The following KANK1 variants were observed in gnomAD, a reference collection of about 807,000 sequenced individuals.
KANK1 encodes the protein KN motif and ankyrin repeat domains 1, also known as KN motif and ankyrin repeat domain-containing protein 1.
Under a neutral mutation model 106.2 loss-of-function variants are expected in KANK1, and 109 were observed. The observed-to-expected ratio is 1.03, with a 90% CI of 0.88 to 1.20. The LOEUF (loss-of-function observed/expected upper bound fraction) is 1.20. Ranked by LOEUF, KANK1 falls within the 50% of genes most tolerant of loss-of-function variation. The probability of loss-of-function intolerance (pLI) is 0.00; values close to 1 mark genes in which losing one functional copy is unlikely to be tolerated. For synonymous variants in KANK1, 873 were observed against 652.2 expected, an observed-to-expected ratio of 1.34 and a Z score of -5.16; for missense variants, 2,399 against 1,710.7, an observed-to-expected ratio of 1.40 and a Z score of -7.10.
At chr9:699,311 G>T (rs765408605) in intron 2 of KANK1, among the ~76,000 whole-genome samples, 3 of 152,178 alleles carry the variant, frequency 2.0e-5, no homozygotes, top group Non-Finnish European at 2.9e-5. Context: ...GTTTTGCTTA[G>T]CACCTAGCCG....
Position 548,921 on chromosome 9 carries a change from AAAAAT to A in KANK1, c.-84+44175_-84+44179del, listed in dbSNP as rs201843281. 7.3e-3 allele frequency among the ~76,000 whole-genome samples: 1,112 copies of A among 152,278 alleles called. 52 individuals carry two copies. Among genetic ancestry groups the A allele is most frequent in the Admixed American group, 0.066 (1,012 of 15,284 alleles). On this transcript the variant is annotated intron_variant, in intron 1 of 11. Transcript: ENST00000382297. ...TAGTAACACCCTATCTTTATTTTTAAAAAATAAAATAAGAGAGGGGGACAATAAAT... is the reference window on the plus strand; with the variant it reads ...TAGTAACACCCTATCTTTATTTTTAAAAAATAAGAGAGGGGGACAATAAAT...
intron 3 of KANK1, among the ~76,000 whole-genome samples, chr9:496,851 G>A (rs1228553415): frequency 6.6e-6 from 1 of 152,134 alleles, no homozygotes; most frequent in East Asian, 1.9e-4. Flanking sequence ...TGCAGGGACA[G>A]GTTTGTACAC....
At chr9:640,841 T>G (rs1374398939) in intron 1 of KANK1, among the ~76,000 whole-genome samples, 2 of 151,838 alleles carry the variant, frequency 1.3e-5, no homozygotes, top group Non-Finnish European at 2.9e-5. Flanking sequence ...GACCTACATG[T>G]GCCCGCCACC....
chr9:660,349 G>C (rs1459835157), intron 1 of KANK1: 2 of 200,658 alleles, frequency 1.0e-5, no homozygotes. Context: ...GCTGAAGCTT[G>C]AATGAGGTTT....
chr9:700,438 A>G (rs1387450093), intron 2 of KANK1, among the ~76,000 whole-genome samples: 1 of 152,162 alleles, frequency 6.6e-6, no homozygotes, highest in Non-Finnish European at 1.5e-5. Context: ...TCTTCTTAGA[A>G]CACTTTCCAC....
chr9:740,908 G>A lies in KANK1; in HGVS notation c.3670G>A (p.Gly1224Arg). Residue 1224 changes from glycine (G) to arginine (R), a missense_variant, in exon 9 of 12, where the codon GGG becomes AGG. Physicochemically the swap from Gly to Arg is moderately radical, Grantham distance 125 (BLOSUM62 -2). Transcript: ENST00000382297. ...MRIVEELFGCGDVNAKASQAG... is the reference protein window; with the variant it reads ...MRIVEELFGCRDVNAKASQAG... Reference sequence around the variant, plus strand: ...GATTGTGGAAGAACTCTTCGGCTGTGGGGATGTGAATGCCAAAGCTAGTCA... The same window carrying A: ...GATTGTGGAAGAACTCTTCGGCTGTAGGGATGTGAATGCCAAAGCTAGTCA... 6.2e-7 allele frequency: 1 copy of A among 1,614,212 alleles called. No homozygotes were observed. The highest frequency in any genetic ancestry group is 2.2e-5 in the East Asian group (1 of 44,882).
rs1832024490 is a variant in KANK1 at position 617,099 on chromosome 9, G to A, written c.-83-59791G>A. ...AATATACTACCGTAAGTGAATGTTAGGTCAGTTAGGTCGATTTTTTTTTCA... is the reference window on the plus strand; with the variant it reads ...AATATACTACCGTAAGTGAATGTTAAGTCAGTTAGGTCGATTTTTTTTTCA... On this transcript the variant is annotated intron_variant, in intron 1 of 11. Transcript: ENST00000382297. Among the ~76,000 whole-genome samples the A allele has an allele frequency of 3.3e-5, 5 of 151,950 alleles. No homozygotes were observed. In the South Asian group the frequency reaches 1.0e-3, roughly 32 times the overall value.
At chr9:730,417 C>A in intron 4 of KANK1, 169 bp downstream of exon 4, 1 of 720,290 alleles carries the variant, frequency 1.4e-6, no homozygotes, top group Non-Finnish European at 2.3e-6. Flanking sequence ...AGAGGCCGGG[C>A]ATGGTGGCTC....
intron 1 of KANK1, among the ~76,000 whole-genome samples, chr9:545,731 T>C (rs1218405744): frequency 2.4e-5 from 2 of 81,812 alleles, no homozygotes; most frequent in African/African-American, 1.2e-4. Flanking sequence ...AGCCTTTTTT[T>C]TTTTTTTTTT....
At chr9:543,343 G>A (rs1038811859) in intron 1 of KANK1, among the ~76,000 whole-genome samples, 9 of 151,918 alleles carry the variant, frequency 5.9e-5, no homozygotes, top group African/African-American at 2.2e-4. Flanking sequence ...ATCACTTGAG[G>A]ACAGGAGTTT....
intron 1 of KANK1, among the ~76,000 whole-genome samples, chr9:517,680 G>C (rs1462890453): frequency 6.6e-6 from 1 of 151,092 alleles, no homozygotes; most frequent in Non-Finnish European, 1.5e-5. Flanking sequence ...TTGTAGGGAA[G>C]GGTGTGCCGG....
intron 1 of KANK1, among the ~76,000 whole-genome samples, chr9:641,226 T>C (rs1282487197): frequency 6.6e-6 from 1 of 152,212 alleles, no homozygotes; most frequent in African/African-American, 2.4e-5. Context: ...TGATAATTAA[T>C]GCAATCAGAT....
intron 1 of KANK1, among the ~76,000 whole-genome samples, chr9:551,764 G>T (rs751248392): frequency 6.6e-6 from 1 of 152,022 alleles, no homozygotes; most frequent in Admixed American, 6.6e-5. Context: ...TACAAAATAA[G>T]GGGCCAGGTG....
intron 1 of KANK1, among the ~76,000 whole-genome samples, chr9:545,175 C>G (rs2060855308): frequency 6.6e-6 from 1 of 150,914 alleles, no homozygotes; most frequent in African/African-American, 2.4e-5. Flanking sequence ...GGAGGAGAAT[C>G]TCTGTGAGTT....
chr9:533,157 T>G (rs749803549), intron 1 of KANK1, among the ~76,000 whole-genome samples: 5 of 152,082 alleles, frequency 3.3e-5, no homozygotes, highest in Non-Finnish European at 5.9e-5. Context: ...GAACAAAGGT[T>G]GTTGAAAAAA....
At chr9:724,627 TC>T (rs1830203311) in intron 3 of KANK1, among the ~76,000 whole-genome samples, 2 of 151,752 alleles carry the variant, frequency 1.3e-5, no homozygotes, top group Admixed American at 6.6e-5. Context: ...CATAGTAAAA[TC>T]CCGTCTCTAC....
intron 1 of KANK1, among the ~76,000 whole-genome samples, chr9:535,349 G>T (rs1195127211): frequency 6.6e-6 from 1 of 152,114 alleles, no homozygotes; most frequent in Non-Finnish European, 1.5e-5. Flanking sequence ...CCTGGGAGAA[G>T]AGTCCTCGGG....
chr9:708,509 C>A (rs1316852947), intron 2 of KANK1, among the ~76,000 whole-genome samples: 1 of 152,178 alleles, frequency 6.6e-6, no homozygotes, highest in Non-Finnish European at 1.5e-5. Flanking sequence ...ACAGCTAGAG[C>A]AATTTAATAT....
intron 6 of KANK1, chr9:733,008 A>AT (rs1832737960): frequency 5.9e-6 from 1 of 168,138 alleles, no homozygotes; most frequent in Non-Finnish European, 1.3e-5. Flanking sequence ...GTGTATCATT[A>AT]TTACAGGATC....
Sources: gnomAD v4.1 joint callset for allele counts (sites outside exome capture counted in the v4.1 genomes callset) on GRCh38, gnomAD v4.1.1 for gene constraint, MANE v1.5 for transcripts, NCBI Gene and HGNC (gene_info 2026-07-23, HGNC 2026-07-21) for gene names.